The following TESK2 variants were observed in gnomAD, a reference collection of about 807,000 sequenced individuals.
TESK2 encodes dual specificity testis-specific protein kinase 2.
In TESK2, 39 loss-of-function variants were observed where a neutral mutation model predicts 57.1. The observed-to-expected ratio is 0.68, with a 90% CI of 0.53 to 0.89. TESK2 has a LOEUF of 0.89. Among genes scored for constraint, TESK2 ranks in the 40% least tolerant of loss-of-function variants. TESK2 has a pLI of 0.00. For missense variants in TESK2, 646 were observed against 732.1 expected (o/e 0.88, Z 1.36); for synonymous variants, 249 against 267.9 (o/e 0.93, Z 0.69).
At chr1:45,363,884 T>C (rs1331245739) in intron 4 of TESK2, among the ~76,000 whole-genome samples, 1 of 152,146 alleles carries the variant, frequency 6.6e-6, no homozygotes, top group Non-Finnish European at 1.5e-5. Context: ...GTTTGTTTAA[T>C]ACACATCTAT....
intron 3 of TESK2, among the ~76,000 whole-genome samples, chr1:45,414,558 T>C (rs755614177): frequency 3.3e-5 from 5 of 151,990 alleles, no homozygotes; most frequent in Non-Finnish European, 5.9e-5. Context: ...TCCTAAGCAA[T>C]AGGATCAAAA....
At position 45,400,142 on chromosome 1, in the gene TESK2, T is replaced by C. The variant is rs187064439; in HGVS notation, c.345-14182A>G. On this transcript the variant is annotated intron_variant, in intron 3 of 10. Transcript: ENST00000372086. ...GAGAGATTATCCTGGATTATCACTG[T>C]GGGTCCAAAGTAATCACAAGGTCCT... 2.0e-5 allele frequency among the ~76,000 whole-genome samples: 3 copies of C among 152,332 alleles called. No homozygotes were observed. The East Asian group carries it at 5.8e-4, about 29-fold the overall frequency.
intron 1 of TESK2, among the ~76,000 whole-genome samples, chr1:45,476,118 T>C (rs529807143): frequency 1.3e-5 from 2 of 152,200 alleles, no homozygotes; most frequent in Non-Finnish European, 2.9e-5. Flanking sequence ...TATACATATA[T>C]CCTATTAGTT....
At chr1:45,411,410 G>A (rs551621849) in intron 3 of TESK2, among the ~76,000 whole-genome samples, 4 of 152,216 alleles carry the variant, frequency 2.6e-5, no homozygotes, top group South Asian at 2.1e-4. Flanking sequence ...CATAAGGGAC[G>A]TGCAACCAAG....
intron 2 of TESK2, among the ~76,000 whole-genome samples, chr1:45,437,086 C>T (rs1000209049): frequency 4.6e-5 from 7 of 152,170 alleles, no homozygotes; most frequent in African/African-American, 1.4e-4. Context: ...TGAGCCGCTG[C>T]GCCTGACCCA....
intron 4 of TESK2, among the ~76,000 whole-genome samples, chr1:45,384,314 G>A: frequency 6.7e-6 from 1 of 149,366 alleles, no homozygotes; most frequent in East Asian, 1.9e-4. Flanking sequence ...CTATCGACAG[G>A]GTCTCACTCT....
intron 1 of TESK2, among the ~76,000 whole-genome samples, chr1:45,483,280 CAA>C (rs753864816): frequency 8.4e-6 from 1 of 118,512 alleles, no homozygotes. Flanking sequence ...GACTTCGTCT[CAA>C]AAAAAAAAAA....
chr1:45,354,815 A>AATATATATATAT (rs199613712), intron 5 of TESK2, among the ~76,000 whole-genome samples: 3 of 40,674 alleles, frequency 7.4e-5, no homozygotes, highest in African/African-American at 3.7e-4. Flanking sequence ...AAAAAAAAAA[A>AATATATATATAT]ATATATATAT....
intron 4 of TESK2, among the ~76,000 whole-genome samples, chr1:45,362,904 CAGG>C (rs1647749531): frequency 6.6e-6 from 1 of 151,276 alleles, no homozygotes; most frequent in Admixed American, 6.6e-5. Flanking sequence ...TTTTTTCACA[CAGG>C]AGAATAACAT....
At chr1:45,446,931 G>A (rs1359591676) in intron 2 of TESK2, among the ~76,000 whole-genome samples, 1 of 152,202 alleles carries the variant, frequency 6.6e-6, no homozygotes, top group Non-Finnish European at 1.5e-5. Context: ...TTAAAATGGG[G>A]CCTCAGCCAG....
intron 3 of TESK2, among the ~76,000 whole-genome samples, chr1:45,402,862 G>A (rs901973159): frequency 2.0e-5 from 3 of 151,836 alleles, no homozygotes; most frequent in African/African-American, 7.3e-5. Context: ...GACCTGTAAC[G>A]TACTCTACCA....
At chr1:45,379,855 C>A (rs2149272625) in intron 4 of TESK2, among the ~76,000 whole-genome samples, 1 of 152,232 alleles carries the variant, frequency 6.6e-6, no homozygotes, top group East Asian at 1.9e-4. Context: ...GAGTGGTTCT[C>A]ATCGCCACAG....
At chr1:45,398,058 C>T (rs141848487) in intron 3 of TESK2, among the ~76,000 whole-genome samples, 1 of 152,222 alleles carries the variant, frequency 6.6e-6, no homozygotes, top group East Asian at 1.9e-4. Flanking sequence ...CAAGCATGCA[C>T]CATCTCACCT....
intron 4 of TESK2, among the ~76,000 whole-genome samples, chr1:45,358,727 G>A (rs998922843): frequency 4.0e-5 from 6 of 151,498 alleles, no homozygotes; most frequent in Admixed American, 1.3e-4. Flanking sequence ...TCCAATCATC[G>A]TGCTATGGAC....
At chr1:45,489,773 G>A (rs1459518677) in intron 1 of TESK2, among the ~76,000 whole-genome samples, 1 of 152,206 alleles carries the variant, frequency 6.6e-6, no homozygotes, top group East Asian at 1.9e-4. Flanking sequence ...CTGGGTGACA[G>A]AATGAGACTC....
At chr1:45,423,664 C>T (rs1361923673) in intron 2 of TESK2, among the ~76,000 whole-genome samples, 5 of 151,902 alleles carry the variant, frequency 3.3e-5, no homozygotes, top group Non-Finnish European at 7.4e-5. Flanking sequence ...CCCAAAGCAC[C>T]TTATAATCAT....
intron 1 of TESK2, among the ~76,000 whole-genome samples, chr1:45,465,451 T>TGGAAGGAAGGAA (rs61097907): frequency 7.9e-4 from 83 of 104,524 alleles, no homozygotes; most frequent in African/African-American, 2.6e-3. Context: ...AGAAAAGAGA[T>TGGAAGGAAGGAA]GGAAGGAAGG....
intron 2 of TESK2, among the ~76,000 whole-genome samples, chr1:45,436,176 A>ATTTTTTTTTTTTTT (rs1651205420): frequency 1.8e-5 from 1 of 55,580 alleles, no homozygotes; most frequent in Non-Finnish European, 3.3e-5. Flanking sequence ...TGACATTGGT[A>ATTTTTTTTTTTTTT]TCTTCTTTTT....
At chr1:45,405,522 T>C (rs1446406454) in intron 3 of TESK2, among the ~76,000 whole-genome samples, 1 of 151,994 alleles carries the variant, frequency 6.6e-6, no homozygotes, top group East Asian at 1.9e-4. Context: ...CCAGGTGCAA[T>C]GGCTTACACC....
Sources: allele counts gnomAD v4.1 joint callset (sites outside exome capture counted in the v4.1 genomes callset), GRCh38; gene constraint gnomAD v4.1.1; transcripts MANE v1.5; gene names NCBI Gene and HGNC (gene_info 2026-07-23, HGNC 2026-07-21).